Variants in PPARGC1B observed in about 807,000 individuals in gnomAD.
PPARGC1B encodes the protein PPARG coactivator 1 beta.
In PPARGC1B, 34 loss-of-function variants were observed where a neutral mutation model predicts 101.6. The ratio of observed to expected loss-of-function variants is 0.33; its 90% CI spans 0.25 to 0.45. PPARGC1B has a LOEUF of 0.45. Among genes scored for constraint, PPARGC1B ranks in the 20% least tolerant of loss-of-function variants. The pLI is 1.00. For synonymous variants in PPARGC1B, 548 were observed against 539.3 expected, an observed-to-expected ratio of 1.02 and a Z score of -0.22; for missense variants, 1,234 against 1,317.6, an observed-to-expected ratio of 0.94 and a Z score of 0.98.
intron 1 of PPARGC1B, among the ~76,000 whole-genome samples, chr5:149,802,279 G>C (rs915858880): frequency 1.3e-5 from 2 of 152,176 alleles, no homozygotes; most frequent in African/African-American, 4.8e-5. Flanking sequence ...TCGCTCCTCC[G>C]TCCCTCCTGG....
intron 1 of PPARGC1B, among the ~76,000 whole-genome samples, chr5:149,777,393 T>C (rs934523724): frequency 6.0e-5 from 9 of 150,042 alleles, no homozygotes; most frequent in African/African-American, 2.2e-4. Flanking sequence ...CCACCCAAAC[T>C]CTCCTACCTC....
intron 1 of PPARGC1B, among the ~76,000 whole-genome samples, chr5:149,818,489 C>T (rs575027060): frequency 6.6e-6 from 1 of 152,304 alleles, no homozygotes; most frequent in Non-Finnish European, 1.5e-5. Context: ...GGACCTGGGC[C>T]TGTTGCCGCC....
At chr5:149,734,103 C>A (rs945360540) in intron 1 of PPARGC1B, among the ~76,000 whole-genome samples, 1 of 151,880 alleles carries the variant, frequency 6.6e-6, no homozygotes, top group African/African-American at 2.4e-5. Flanking sequence ...GGGTGAATCA[C>A]CTGAGGTCAG....
At chr5:149,842,443 G>A in intron 10 of PPARGC1B, 66 bp downstream of exon 10, 5 of 1,580,548 alleles carry the variant, frequency 3.2e-6, no homozygotes, top group Non-Finnish European at 4.3e-6. Flanking sequence ...ATCCAGAATT[G>A]GGTACCAGAA....
intron 9 of PPARGC1B, among the ~76,000 whole-genome samples, chr5:149,841,494 G>A (rs1759333526): frequency 6.6e-6 from 1 of 152,116 alleles, no homozygotes; most frequent in Non-Finnish European, 1.5e-5. Flanking sequence ...GATGGCTGGA[G>A]CATCACTGGC....
In PPARGC1B at chr5:149,842,429, C is replaced by T. The variant is rs26126; in HGVS notation, c.2816+52C>T. The T allele has an allele frequency of 0.14, 217,110 of 1,588,366 alleles. 16,422 individuals carry two copies. The highest frequency in any genetic ancestry group is 0.22 in the South Asian group (19,829 of 89,790). ...GAAGGGAGCAGAGAGGGGCACTGGTCCTGATCCAGAATTGGGTACCAGAAG... is the reference window on the plus strand; with the variant it reads ...GAAGGGAGCAGAGAGGGGCACTGGTTCTGATCCAGAATTGGGTACCAGAAG... On this transcript the variant is annotated intron_variant, in intron 10 of 11. Transcript: ENST00000309241.
chr5:149,834,051 G>T (rs1758941568), intron 5 of PPARGC1B, among the ~76,000 whole-genome samples: 1 of 152,240 alleles, frequency 6.6e-6, no homozygotes, highest in Non-Finnish European at 1.5e-5. Flanking sequence ...AAAGTAAACA[G>T]AAAAGGAGGA....
chr5:149,843,617 C>G (rs1759434870), intron 10 of PPARGC1B, among the ~76,000 whole-genome samples: 1 of 152,218 alleles, frequency 6.6e-6, no homozygotes, highest in African/African-American at 2.4e-5. Context: ...GAACCCCCAT[C>G]TGATCCAGCC....
intron 1 of PPARGC1B, among the ~76,000 whole-genome samples, chr5:149,734,404 T>G (rs1263266368): frequency 1.3e-5 from 2 of 151,548 alleles, no homozygotes; most frequent in African/African-American, 4.8e-5. Context: ...GTAACTTGTT[T>G]TTTTTTTTCC....
At chr5:149,831,366 G>A (rs565499505) in intron 4 of PPARGC1B, among the ~76,000 whole-genome samples, 4 of 152,172 alleles carry the variant, frequency 2.6e-5, no homozygotes, top group Non-Finnish European at 4.4e-5. Flanking sequence ...GGCGTAACAG[G>A]TGTTTTTCAA....
chr5:149,813,932 G>A (rs1376846728), intron 1 of PPARGC1B, among the ~76,000 whole-genome samples: 2 of 152,124 alleles, frequency 1.3e-5, no homozygotes, highest in East Asian at 3.9e-4. Context: ...GTTTTATAAG[G>A]GTACGCATCC....
rs139542066 is a variant in PPARGC1B at position 149,833,002 on chromosome 5, A to T, written c.929A>T (p.Glu310Val). ...PQRKLPPQTP[E>V]PLPKACSNPS... Reference sequence around the variant, plus strand: ...AGGAAGCTGCCCCCACAGACCCCTGAGCCACTCCCCAAGGCCTGCAGCAAC... The same window carrying T: ...AGGAAGCTGCCCCCACAGACCCCTGTGCCACTCCCCAAGGCCTGCAGCAAC... The change falls in exon 5 of 12, where the codon GAG becomes GTG. Residue 310 changes from glutamate (E) to valine (V), a missense_variant. Around this residue, in one of 3 missense-constraint regions of PPARGC1B, gnomAD observed 734 missense variants for 768.4 expected, o/e 0.96. Transcript: ENST00000309241. This position sits in a 1 kb window ranked among gnomAD's most constrained non-coding sequence, Gnocchi z 4.1. 1.2e-6 allele frequency: 2 copies of T among 1,613,452 alleles called. No individual in the cohort carries two copies. Among genetic ancestry groups the T allele is most frequent in the African/African-American group, 2.7e-5 (2 of 74,916 alleles).
intron 2 of PPARGC1B, among the ~76,000 whole-genome samples, chr5:149,822,708 A>G (rs1012135332): frequency 1.3e-5 from 2 of 152,180 alleles, no homozygotes; most frequent in African/African-American, 4.8e-5. Flanking sequence ...TCTTGCACGC[A>G]TGTGTGTCCT....
At chr5:149,772,046 C>T in intron 1 of PPARGC1B, 2 of 1,522,766 alleles carry the variant, frequency 1.3e-6, no homozygotes, top group African/African-American at 1.4e-5. Context: ...TTAGACGTGC[C>T]AGGCTGTGCA....
chr5:149,771,494 C>T (rs1175960339), intron 1 of PPARGC1B, among the ~76,000 whole-genome samples: 1 of 152,210 alleles, frequency 6.6e-6, no homozygotes, highest in African/African-American at 2.4e-5. Context: ...TTGCCCAGGT[C>T]TGAAGGGCTA....
At chr5:149,733,064 T>C (rs1317426651) in intron 1 of PPARGC1B, among the ~76,000 whole-genome samples, 1 of 152,216 alleles carries the variant, frequency 6.6e-6, no homozygotes, top group Admixed American at 6.5e-5. Context: ...TGGTTGTTCC[T>C]GCAACCCCCT....
intron 10 of PPARGC1B, 109 bp downstream of exon 10, chr5:149,842,486 A>AATCCATAGCCTAG: frequency 6.7e-7 from 1 of 1,485,720 alleles, no homozygotes; most frequent in Non-Finnish European, 9.3e-7. Context: ...AATCTGACAA[A>AATCCATAGCCTAG]ATCCATAGCC....
Position 149,845,795 on chromosome 5 carries a change from C to T in PPARGC1B, c.2852C>T (p.Ser951Phe). ...TACGGCTTCATCACCTACCGGTGTT[C>T]TGAGCACGCGGCCCTCTCTTTGACA... ...EKYGFITYRC[S>F]EHAALSLTKG... is the part of the protein sequence containing the mutation. Residue 951 changes from serine to phenylalanine, a missense_variant, in exon 11 of 12, where the codon TCT (serine) becomes TTT (phenylalanine). This residue lies in a region of PPARGC1B where 497 missense variants were observed against 529.5 expected (regional missense o/e 0.94). Transcript: ENST00000309241. The T allele has an allele frequency of 6.2e-7, 1 of 1,613,796 alleles. No homozygotes were observed. Among genetic ancestry groups the T allele is most frequent in the South Asian group, 1.1e-5 (1 of 91,070 alleles).
At chr5:149,771,987 C>G in intron 1 of PPARGC1B, 2 of 1,429,560 alleles carry the variant, frequency 1.4e-6, no homozygotes, top group Non-Finnish European at 1.8e-6. Flanking sequence ...TTGCTGTTAT[C>G]CCAGACTTAC....
Sources: gnomAD v4.1 joint callset for allele counts (sites outside exome capture counted in the v4.1 genomes callset) on GRCh38, gnomAD v4.1.1 for gene constraint, gnomAD v4.1.1 regional missense constraint, Gnocchi (gnomAD v3.1) non-coding constraint, MANE v1.5 for transcripts, NCBI Gene and HGNC (gene_info 2026-07-23, HGNC 2026-07-21) for gene names.